The following MED14 variants were observed in gnomAD, a reference collection of about 807,000 sequenced individuals.
The protein encoded by MED14 is mediator of RNA polymerase II transcription subunit 14.
MED14 carries 8 observed loss-of-function variants against 109.0 expected under a neutral mutation model. The observed-to-expected ratio is 0.07, with a 90% CI of 0.04 to 0.13. The LOEUF (loss-of-function observed/expected upper bound fraction) is 0.13. Ranked by LOEUF, MED14 falls within the 10% of genes least tolerant of loss-of-function variation. MED14 has a pLI of 1.00. For missense variants in MED14, 711 were observed against 1,142.4 expected (o/e 0.62, Z 5.44); for synonymous variants, 399 against 408.7 (o/e 0.98, Z 0.29).
chrX:40,706,640 G>A (rs996054103), intron 10 of MED14, among the ~76,000 whole-genome samples: 3 of 111,862 alleles, frequency 2.7e-5, no homozygotes, highest in Admixed American at 9.5e-5. Flanking sequence ...TTACACTTGG[G>A]TTCTGAAGAT....
chrX:40,705,974 A>AC (rs1029060982), intron 10 of MED14, among the ~76,000 whole-genome samples: 1 of 110,298 alleles, frequency 9.1e-6, no homozygotes, highest in Non-Finnish European at 1.9e-5. Context: ...AACCATTTCT[A>AC]CCCCCACGAA....
chrX:40,702,346 G>GTTTTTTTT (rs35345632), intron 11 of MED14, among the ~76,000 whole-genome samples: 1 of 82,179 alleles, frequency 1.2e-5, no homozygotes, highest in African/African-American at 4.9e-5. Context: ...TATAAGTTTT[G>GTTTTTTTT]TTTTTTTTTT....
In MED14 at chrX:40,696,961, C is replaced by A. The variant is rs1930745997; in HGVS notation, c.1650+63G>T. 5 of 920,114 alleles carry A rather than the reference C, an allele frequency of 5.4e-6. 1 individual carries two copies. In the East Asian group the frequency reaches 1.6e-4, roughly 29 times the overall value. The allele number at this position is 920,114 out of a possible 1,213,427, so 75.8% of individuals were successfully genotyped here. A position where few individuals can be genotyped will look rare whatever the true frequency, so the allele number is the denominator to read the frequency against. On this transcript the variant is annotated intron_variant, in intron 13 of 30. Coordinates refer to ENST00000324817, the MANE Select transcript of MED14 (RefSeq NM_004229.4). ...TTCATTGGCAAGTTAAACAATAAGT[C>A]ATTCAAGATACTAACAGAATTACTA...
At chrX:40,713,137 A>AT (rs1203046672) in intron 5 of MED14, 95 bp from the exon 6 acceptor site, 3 of 869,087 alleles carry the variant, frequency 3.5e-6, no homozygotes, top group Non-Finnish European at 4.7e-6. Flanking sequence ...ACTTATAAAA[A>AT]TTTTTAAATA....
chrX:40,727,632 T>A (rs1419690281), intron 2 of MED14, among the ~76,000 whole-genome samples: 2 of 111,690 alleles, frequency 1.8e-5, no homozygotes, highest in Admixed American at 9.5e-5. Flanking sequence ...ATAGCAGCTA[T>A]AAAACTGATA....
upstream of MED14, chrX:40,735,595 G>A (rs771093342): frequency 9.1e-5 from 47 of 516,157 alleles, no homozygotes; most frequent in Non-Finnish European, 1.5e-4. Flanking sequence ...GAAGTCCGCC[G>A]ACCCCAGGGA....
rs745988899 is a variant in MED14, at chrX:40,703,493, A to T, written c.1362T>A (p.Ile454=). Residue 454 remains isoleucine (I), a synonymous_variant, in exon 11 of 31, where the codon ATT becomes ATA. Transcript: ENST00000324817. ...EPCGNSECLH[I]FVDLHSGMFQ... ...ACATTCCAGAATGTAAATCTACAAA[A>T]ATGTGCAGACACTCTGAATTACCAC... 5.0e-6 allele frequency: 6 copies of T among 1,195,321 alleles called. No individual in the cohort carries two copies. The East Asian group carries it at 1.5e-4, about 30-fold the overall frequency.
chrX:40,675,432 A>G (rs1277210066), intron 21 of MED14, 71 bp from the exon 22 acceptor site: 1 of 813,472 alleles, frequency 1.2e-6, no homozygotes, highest in Non-Finnish European at 1.6e-6. Flanking sequence ...TAAATTATTT[A>G]GAATATTTAA....
chrX:40,700,082 G>A (rs1335592890), intron 12 of MED14, among the ~76,000 whole-genome samples: 1 of 110,975 alleles, frequency 9.0e-6, no homozygotes. Flanking sequence ...CCGGGAGGGA[G>A]AGGTTGCAGT....
At chrX:40,734,634 G>A (rs942536011) in intron 1 of MED14, among the ~76,000 whole-genome samples, 6 of 111,989 alleles carry the variant, frequency 5.4e-5, no homozygotes, top group Admixed American at 1.9e-4. Context: ...TGGGTAACTA[G>A]GTGATTTATA....
chrX:40,733,635 T>C (rs1932156735), intron 1 of MED14, among the ~76,000 whole-genome samples: 1 of 111,843 alleles, frequency 8.9e-6, no homozygotes, highest in African/African-American at 3.3e-5. Flanking sequence ...AAGTCAAAGA[T>C]AACAGGACTT....
chrX:40,724,529 A>G (rs769618472), intron 3 of MED14, among the ~76,000 whole-genome samples: 1 of 112,241 alleles, frequency 8.9e-6, no homozygotes, highest in East Asian at 2.8e-4. Flanking sequence ...CAACAAGAGG[A>G]ATTTTGGAAA....
At chrX:40,700,568 G>GA (rs1343145113) in intron 12 of MED14, among the ~76,000 whole-genome samples, 6 of 109,314 alleles carry the variant, frequency 5.5e-5, no homozygotes, top group African/African-American at 2.0e-4. Flanking sequence ...TTTAGTCTCT[G>GA]AATTTTTTTT....
chrX:40,734,361 A>C (rs763686162), intron 1 of MED14, among the ~76,000 whole-genome samples: 1 of 112,695 alleles, frequency 8.9e-6, no homozygotes, highest in African/African-American at 3.2e-5. Flanking sequence ...AGTATCTGTT[A>C]TCAGTCTCTA....
At chrX:40,684,032 T>C (rs1930217013) in intron 16 of MED14, among the ~76,000 whole-genome samples, 1 of 112,106 alleles carries the variant, frequency 8.9e-6, no homozygotes, top group African/African-American at 3.2e-5. Flanking sequence ...CTTTAACTCA[T>C]ACAGAAGGTG....
chrX:40,729,230 C>T (rs940618232), intron 2 of MED14, 89 bp downstream of exon 2: 2 of 913,854 alleles, frequency 2.2e-6, no homozygotes, highest in African/African-American at 4.1e-5. Context: ...GGTTTCCAAT[C>T]CACAGCCCTA....
chrX:40,685,841 CAG>C (rs1440699061), intron 16 of MED14, among the ~76,000 whole-genome samples: 1 of 112,014 alleles, frequency 8.9e-6, no homozygotes, highest in Non-Finnish European at 1.9e-5. Context: ...AGAACAAGAA[CAG>C]AATGTATTTT....
rs1928854501 is a variant in MED14 at position 40,651,248 on chromosome X, T to C, written c.*558A>G. The stretch of plus-strand genomic sequence containing the variant: ...GCCTAAGATGTCTCTAGAGTTTATA[T>C]ACACACAAGTGAGTGTCACTGTTTT... On this transcript the variant is annotated 3_prime_UTR_variant, in exon 31 of 31. Coordinates refer to ENST00000324817, the MANE Select transcript of MED14 (RefSeq NM_004229.4). 1.3e-6 allele frequency: 1 copy of C among 753,728 alleles called. No individual in the cohort carries two copies. 62.1% of individuals were successfully genotyped at this position (753,728 alleles called of 1,213,427 possible).
intron 3 of MED14, among the ~76,000 whole-genome samples, chrX:40,722,116 G>A (rs1367398527): frequency 9.0e-6 from 1 of 111,642 alleles, no homozygotes; most frequent in East Asian, 2.8e-4. Context: ...AACAAAAGAA[G>A]GTACCAGGAA....
Sources: allele counts gnomAD v4.1 joint callset (sites outside exome capture counted in the v4.1 genomes callset), GRCh38; gene constraint gnomAD v4.1.1; transcripts MANE v1.5; gene names NCBI Gene and HGNC (gene_info 2026-07-23, HGNC 2026-07-21).